C1QTNF7: variants seen among roughly 807,000 people sequenced by gnomAD.
The protein encoded by C1QTNF7 is complement C1q tumor necrosis factor-related protein 7.
In C1QTNF7, 15 loss-of-function variants were observed where a neutral mutation model predicts 19.6. The observed-to-expected ratio is 0.76, with a 90% CI of 0.51 to 1.18. The LOEUF (loss-of-function observed/expected upper bound fraction) is 1.18, where lower values mean the gene tolerates loss of function less well. Among genes scored for constraint, C1QTNF7 ranks in the 50% most tolerant of loss-of-function variants. The pLI is 0.00. For missense variants in C1QTNF7, 324 were observed against 359.7 expected, an observed-to-expected ratio of 0.90 and a Z score of 0.80; for synonymous variants, 142 against 137.5, an observed-to-expected ratio of 1.03 and a Z score of -0.23.
At chr4:15,362,222 G>A (rs933076258) in intron 1 of C1QTNF7, among the ~76,000 whole-genome samples, 1 of 152,192 alleles carries the variant, frequency 6.6e-6, no homozygotes, top group African/African-American at 2.4e-5. Flanking sequence ...TTTCCTAAGA[G>A]GTGATGTATA....
intron 1 of C1QTNF7, among the ~76,000 whole-genome samples, chr4:15,407,819 A>G (rs1022564022): frequency 3.9e-5 from 6 of 152,120 alleles, no homozygotes; most frequent in African/African-American, 1.2e-4. Context: ...CCAGCTATTC[A>G]GGAGGCTAAG....
chr4:15,344,726 C>T lies in C1QTNF7; in HGVS notation c.13+4519C>T, dbSNP rs77918552. ...CATATTTCCAAAAGAACATCAGGGTCTACAAAATTTTATGCATTTACTGCT... is the reference window on the plus strand; with the variant it reads ...CATATTTCCAAAAGAACATCAGGGTTTACAAAATTTTATGCATTTACTGCT... On this transcript the variant is annotated intron_variant, in intron 1 of 2. Transcript: ENST00000295297. Among the ~76,000 whole-genome samples, 53 of 152,302 alleles carry T rather than the reference C, an allele frequency of 3.5e-4. No individual in the cohort carries two copies. The East Asian group carries it at 8.1e-3, about 23-fold the overall frequency.
chr4:15,380,131 T>C (rs772863157), intron 1 of C1QTNF7, among the ~76,000 whole-genome samples: 5 of 152,218 alleles, frequency 3.3e-5, no homozygotes, highest in Non-Finnish European at 7.3e-5. Context: ...ACTTTCAGTG[T>C]TTGCAAACTA....
chr4:15,350,568 C>A (rs985912788), intron 1 of C1QTNF7, among the ~76,000 whole-genome samples: 1 of 152,162 alleles, frequency 6.6e-6, no homozygotes, highest in African/African-American at 2.4e-5. Context: ...TTTCTTCTAA[C>A]ACTTTCTGCT....
intron 1 of C1QTNF7, among the ~76,000 whole-genome samples, chr4:15,396,776 T>C (rs1233137332): frequency 6.6e-6 from 1 of 152,126 alleles, no homozygotes; most frequent in Non-Finnish European, 1.5e-5. Flanking sequence ...GAGGGTTTCC[T>C]GGGTGGCTTT....
intron 1 of C1QTNF7, among the ~76,000 whole-genome samples, chr4:15,398,603 T>C (rs1718874872): frequency 6.6e-6 from 1 of 152,198 alleles, no homozygotes; most frequent in African/African-American, 2.4e-5. Flanking sequence ...AGGCATCCCT[T>C]TCACAGAAGT....
At chr4:15,415,495 G>A (rs1719569688) in intron 1 of C1QTNF7, among the ~76,000 whole-genome samples, 1 of 152,004 alleles carries the variant, frequency 6.6e-6, no homozygotes, top group African/African-American at 2.4e-5. Flanking sequence ...ATTTCCCATT[G>A]AAAAATAGTT....
chr4:15,340,131 C>G, exon 1 of C1QTNF7: 1 of 1,528,844 alleles, frequency 6.5e-7, no homozygotes, highest in Non-Finnish European at 8.9e-7. Flanking sequence ...TAATAGTTAA[C>G]TACATTCATG....
At chr4:15,367,467 C>T (rs529908045) in intron 1 of C1QTNF7, among the ~76,000 whole-genome samples, 9 of 152,238 alleles carry the variant, frequency 5.9e-5, no homozygotes, top group African/African-American at 1.2e-4. Context: ...ATTTATCTGG[C>T]GTTTTCCACA....
intron 1 of C1QTNF7, chr4:15,374,863 C>A: frequency 3.3e-6 from 2 of 603,416 alleles, no homozygotes; most frequent in Non-Finnish European, 3.9e-6. Context: ...TTCTCTCTCT[C>A]TCTCTCTCTT....
chr4:15,378,675 CT>C (rs1182202230), intron 1 of C1QTNF7, among the ~76,000 whole-genome samples: 4 of 152,322 alleles, frequency 2.6e-5, no homozygotes, highest in African/African-American at 9.6e-5. Flanking sequence ...TTCACAATTA[CT>C]TCCTGTGTGG....
In C1QTNF7 at chr4:15,412,474, A is replaced by G. The variant is rs896084061; in HGVS notation, c.14-23262A>G. Among the ~76,000 whole-genome samples, 8 of 152,060 alleles carry G rather than the reference A, an allele frequency of 5.3e-5. No homozygotes were observed. In the East Asian group the frequency reaches 1.6e-3, roughly 29 times the overall value. On this transcript the variant is annotated intron_variant, in intron 1 of 2. Transcript: ENST00000295297. ...AACCATCAGTGTAGCATCTTCTCTC[A>G]TTGTTTCCCTCTCCTTCCATCCACA...
chr4:15,398,962 G>A (rs80321374), intron 1 of C1QTNF7, among the ~76,000 whole-genome samples: 16,241 of 152,128 alleles, frequency 0.11, 1,080 homozygotes, highest in East Asian at 0.31. Flanking sequence ...TGGGCTGTCC[G>A]TATGCACAGT....
At chr4:15,393,986 T>G (rs1718685651) in intron 1 of C1QTNF7, among the ~76,000 whole-genome samples, 1 of 150,910 alleles carries the variant, frequency 6.6e-6, no homozygotes. Flanking sequence ...GCAGAGGGGG[T>G]GTGTAGGGCC....
intron 1 of C1QTNF7, among the ~76,000 whole-genome samples, chr4:15,360,349 C>A (rs149051878): frequency 6.7e-4 from 102 of 152,242 alleles, no homozygotes; most frequent in African/African-American, 2.3e-3. Context: ...TTCATGAGAG[C>A]CCCTGGTTAT....
rs550538542 is a variant in C1QTNF7, at chr4:15,389,912, T to C, written c.14-45824T>C. On this transcript the variant is annotated intron_variant, in intron 1 of 2. Transcript: ENST00000295297. ...GCAGGTTATGGAGAACTGTGCATCG[T>C]GTTAAAGACTTCTTCATTAATCCCA... Among the ~76,000 whole-genome samples the C allele has an allele frequency of 2.6e-5, 4 of 152,318 alleles. No individual in the cohort carries two copies. In the South Asian group the frequency reaches 8.3e-4, roughly 32 times the overall value.
At chr4:15,388,792 C>T (rs1718442495) in intron 1 of C1QTNF7, among the ~76,000 whole-genome samples, 1 of 152,138 alleles carries the variant, frequency 6.6e-6, no homozygotes, top group African/African-American at 2.4e-5. Flanking sequence ...GAGAAAGTGA[C>T]AGGGGATCAG....
chr4:15,403,458 T>A (rs1031678209), intron 1 of C1QTNF7, among the ~76,000 whole-genome samples: 1 of 152,188 alleles, frequency 6.6e-6, no homozygotes, highest in Non-Finnish European at 1.5e-5. Context: ...TCATTCATCC[T>A]CTGCCTCTCT....
At chr4:15,368,010 T>A (rs966548341) in intron 1 of C1QTNF7, among the ~76,000 whole-genome samples, 1 of 152,164 alleles carries the variant, frequency 6.6e-6, no homozygotes, top group East Asian at 1.9e-4. Context: ...AACAGAATAT[T>A]TCCATTTACC....
Sources: gnomAD v4.1 joint callset for allele counts (sites outside exome capture counted in the v4.1 genomes callset) on GRCh38, gnomAD v4.1.1 for gene constraint, MANE v1.5 for transcripts, NCBI Gene and HGNC (gene_info 2026-07-23, HGNC 2026-07-21) for gene names.